The following ARK2N variants were observed in gnomAD, a reference collection of about 807,000 sequenced individuals.
ARK2N encodes the protein protein ARK2N.
chr18:46,216,437 T>A, the ARK2N span: 1 of 1,614,112 alleles, frequency 6.2e-7, no homozygotes, highest in Admixed American at 1.7e-5. The surrounding 1 kb of genome is among the most constrained non-coding windows in gnomAD (Gnocchi z 4.3). Context: ...ATCAGGCTAC[T>A]GAGGCAGAAA....
At chr18:46,235,075 T>C in the ARK2N span, among the ~76,000 whole-genome samples, 1 of 152,206 alleles carries the variant, frequency 6.6e-6, no homozygotes. Context: ...CAAGAATTAT[T>C]CCTGTTTCCT....
the ARK2N span, among the ~76,000 whole-genome samples, chr18:46,250,683 C>T: frequency 4.5e-3 from 682 of 152,178 alleles, 6 homozygotes; most frequent in African/African-American, 0.015. Flanking sequence ...AACCAGATGA[C>T]GTCACCCCTC....
chr18:46,202,688 T>C, the ARK2N span, among the ~76,000 whole-genome samples: 5 of 150,546 alleles, frequency 3.3e-5, no homozygotes, highest in Non-Finnish European at 7.4e-5. Flanking sequence ...CTCAGAAGGC[T>C]GAAGGAGGAG....
chr18:46,238,299 A>G, the ARK2N span, among the ~76,000 whole-genome samples: 2 of 152,232 alleles, frequency 1.3e-5, no homozygotes, highest in Non-Finnish European at 1.5e-5. Flanking sequence ...CCCTTAAAAA[A>G]TAGAACATAT....
chr18:46,219,532 C>T, the ARK2N span, among the ~76,000 whole-genome samples: 197 of 150,462 alleles, frequency 1.3e-3, no homozygotes, highest in Admixed American at 4.4e-3. Context: ...TGCAGTGGCG[C>T]GATCTCTGCT....
chr18:46,186,781 T>C, the ARK2N span, among the ~76,000 whole-genome samples: 1 of 151,866 alleles, frequency 6.6e-6, no homozygotes, highest in Non-Finnish European at 1.5e-5. Flanking sequence ...GTGCTGGGAT[T>C]ACAGGCGTGA....
the ARK2N span, among the ~76,000 whole-genome samples, chr18:46,234,879 G>C: frequency 6.6e-6 from 1 of 152,176 alleles, no homozygotes; most frequent in East Asian, 1.9e-4. Flanking sequence ...GCAAGATTAG[G>C]TATGGCAAAG....
the ARK2N span, among the ~76,000 whole-genome samples, chr18:46,213,883 G>A: frequency 1.3e-5 from 2 of 152,042 alleles, no homozygotes; most frequent in Admixed American, 6.6e-5. Flanking sequence ...TTTTAGTAGA[G>A]ACGGGGTTTC....
the ARK2N span, among the ~76,000 whole-genome samples, chr18:46,192,754 G>C: frequency 2.0e-5 from 3 of 151,566 alleles, no homozygotes; most frequent in African/African-American, 7.2e-5. Flanking sequence ...ATTTTTAGTT[G>C]AGATGGGGTT....
chr18:46,219,412 T>C, the ARK2N span, among the ~76,000 whole-genome samples: 1 of 152,184 alleles, frequency 6.6e-6, no homozygotes, highest in Non-Finnish European at 1.5e-5. Flanking sequence ...TTATAGTGAA[T>C]TCATGTAAAA....
At chr18:46,262,102 A>G in the ARK2N span, among the ~76,000 whole-genome samples, 1 of 152,202 alleles carries the variant, frequency 6.6e-6, no homozygotes. Context: ...CATAGCATTG[A>G]TCACATGAGT....
At chr18:46,227,547 G>T in the ARK2N span, among the ~76,000 whole-genome samples, 2 of 151,928 alleles carry the variant, frequency 1.3e-5, no homozygotes. Flanking sequence ...ATACATCCTT[G>T]TATAAGGATA....
At chr18:46,186,658 C>G in the ARK2N span, among the ~76,000 whole-genome samples, 1 of 151,762 alleles carries the variant, frequency 6.6e-6, no homozygotes, top group African/African-American at 2.4e-5. Context: ...GCGCCCGCCA[C>G]CACGCCCAGC....
At chr18:46,254,853 A>G in the ARK2N span, among the ~76,000 whole-genome samples, 3 of 152,178 alleles carry the variant, frequency 2.0e-5, no homozygotes, top group Non-Finnish European at 2.9e-5. Context: ...ATTCTTCTGA[A>G]ACATTCTGGA....
chr18:46,244,495 A>G, the ARK2N span, among the ~76,000 whole-genome samples: 1 of 152,032 alleles, frequency 6.6e-6, no homozygotes, highest in South Asian at 2.1e-4. Context: ...AGGGTTTTTA[A>G]TAATTAGACC....
the ARK2N span, among the ~76,000 whole-genome samples, chr18:46,252,201 A>G: frequency 2.6e-5 from 4 of 152,060 alleles, no homozygotes; most frequent in African/African-American, 9.7e-5. Context: ...TCAAAAAAAA[A>G]AAAGGTACAA....
the ARK2N span, among the ~76,000 whole-genome samples, chr18:46,256,442 G>T: frequency 1.3e-5 from 2 of 151,690 alleles, no homozygotes; most frequent in Non-Finnish European, 1.5e-5. Flanking sequence ...TTTGTATCTG[G>T]AGTTACAGTT....
the ARK2N span, chr18:46,216,845 G>A: frequency 2.4e-6 from 1 of 416,472 alleles, no homozygotes; most frequent in South Asian, 3.3e-5. This position sits in a 1 kb window ranked among gnomAD's most constrained non-coding sequence, Gnocchi z 4.3. Flanking sequence ...TTTAAGTAAT[G>A]GAATTTCTCA....
the ARK2N span, among the ~76,000 whole-genome samples, chr18:46,194,696 G>T: frequency 6.7e-6 from 1 of 149,818 alleles, no homozygotes; most frequent in Non-Finnish European, 1.5e-5. Context: ...GGCTGGTCTT[G>T]TACTCCTGAC....
Sources: allele counts gnomAD v4.1 joint callset (sites outside exome capture counted in the v4.1 genomes callset), GRCh38; gene constraint gnomAD v4.1.1; non-coding constraint Gnocchi (gnomAD v3.1); transcripts MANE v1.5; gene names NCBI Gene and HGNC (gene_info 2026-07-23, HGNC 2026-07-21).